FNDC3B: variants seen among roughly 807,000 people sequenced by gnomAD.
The protein encoded by FNDC3B is fibronectin type III domain-containing protein 3B.
Under a neutral mutation model 151.5 loss-of-function variants are expected in FNDC3B, and 12 were observed. The ratio of observed to expected loss-of-function variants is 0.08; its 90% CI spans 0.05 to 0.13. The LOEUF is 0.13. Ranked by LOEUF, FNDC3B falls within the 10% of genes least tolerant of loss-of-function variation. FNDC3B has a pLI of 1.00. For missense variants in FNDC3B, 1,214 were observed against 1,505.3 expected (o/e 0.81, Z 3.20); for synonymous variants, 528 against 549.0 (o/e 0.96, Z 0.54).
At chr3:172,186,430 C>T (rs977525884) in intron 3 of FNDC3B, among the ~76,000 whole-genome samples, 1 of 152,152 alleles carries the variant, frequency 6.6e-6, no homozygotes, top group Admixed American at 6.5e-5. Context: ...TGGTAGGACA[C>T]ATCCATAGGT....
At chr3:172,173,316 A>G (rs974329096) in intron 3 of FNDC3B, among the ~76,000 whole-genome samples, 1 of 152,136 alleles carries the variant, frequency 6.6e-6, no homozygotes, top group Non-Finnish European at 1.5e-5. Context: ...TGGGGGTCCT[A>G]AACTTTAACC....
chr3:172,075,875 G>T (rs1717985815), intron 1 of FNDC3B, among the ~76,000 whole-genome samples: 1 of 152,052 alleles, frequency 6.6e-6, no homozygotes, highest in Non-Finnish European at 1.5e-5. Flanking sequence ...GCCAGTCAGT[G>T]ACCCACTAAA....
intron 1 of FNDC3B, among the ~76,000 whole-genome samples, chr3:172,056,811 G>C (rs17460016): frequency 0.31 from 47,832 of 152,132 alleles, 8,875 homozygotes; most frequent in Non-Finnish European, 0.41. Flanking sequence ...GTGAATATTA[G>C]CCATCAGTTT....
chr3:172,227,054 G>A (rs937425776), intron 4 of FNDC3B, 107 bp downstream of exon 4: 13 of 747,962 alleles, frequency 1.7e-5, no homozygotes, highest in East Asian at 5.1e-5. Context: ...TTTGGGTACC[G>A]TAGTGCTAGG....
At chr3:172,200,249 A>G (rs971485560) in intron 3 of FNDC3B, among the ~76,000 whole-genome samples, 3 of 152,218 alleles carry the variant, frequency 2.0e-5, no homozygotes, top group Non-Finnish European at 2.9e-5. Flanking sequence ...ACCTAGAGAA[A>G]ACCCACACAG....
At chr3:172,301,109 G>C (rs930813892) in intron 9 of FNDC3B, among the ~76,000 whole-genome samples, 1 of 152,134 alleles carries the variant, frequency 6.6e-6, no homozygotes, top group Non-Finnish European at 1.5e-5. Context: ...CTTTGGTCTC[G>C]CTTTGTCATG....
chr3:172,229,276 G>A (rs930476756), intron 4 of FNDC3B, among the ~76,000 whole-genome samples: 2 of 152,140 alleles, frequency 1.3e-5, no homozygotes, highest in African/African-American at 4.8e-5. Context: ...AGAGTTGGTT[G>A]CCTTCGCATG....
intron 1 of FNDC3B, among the ~76,000 whole-genome samples, chr3:172,072,403 T>C (rs1717824147): frequency 6.6e-6 from 1 of 151,696 alleles, no homozygotes; most frequent in African/African-American, 2.4e-5. Flanking sequence ...CTCGTTAGGG[T>C]TGTCAGTGAA....
chr3:172,386,787 T>TGAAC (rs1480187797), intron 25 of FNDC3B, among the ~76,000 whole-genome samples: 2 of 150,468 alleles, frequency 1.3e-5, no homozygotes, highest in African/African-American at 4.9e-5. Flanking sequence ...CTCTGAAGTG[T>TGAAC]CTAGAGGTCT....
At position 172,333,131 on chromosome 3, in the gene FNDC3B, T is replaced by C. The variant is rs1428561759; in HGVS notation, c.1597T>C (p.Cys533Arg). The change falls in exon 14 of 26, where the codon TGT becomes CGT. Residue 533 changes from cysteine to arginine, a missense_variant. By Grantham distance (180) the Cys-to-Arg change is radical. Around this residue, in one of 7 missense-constraint regions of FNDC3B, gnomAD observed 111 missense variants for 96.8 expected, o/e 1.15. Coordinates refer to ENST00000415807, the MANE Select transcript of FNDC3B (RefSeq NM_022763.4). ...HPKYTGEDLT[C>R]TVKNLKRSTQ... is the part of the protein sequence containing the mutation. ...AAAATACACTGGAGAGGATTTAACCTGTACTGTGAAAAATCTCAAAAGAAG... is the reference window on the plus strand; with the variant it reads ...AAAATACACTGGAGAGGATTTAACCCGTACTGTGAAAAATCTCAAAAGAAG... The C allele has an allele frequency of 1.9e-6, 3 of 1,613,558 alleles. No homozygotes were observed. Among genetic ancestry groups the C allele is most frequent in the Non-Finnish European group, 2.5e-6 (3 of 1,179,470 alleles).
intron 3 of FNDC3B, among the ~76,000 whole-genome samples, chr3:172,223,053 G>A (rs1726368862): frequency 6.6e-6 from 1 of 152,222 alleles, no homozygotes; most frequent in Non-Finnish European, 1.5e-5. Flanking sequence ...CAAGGTTTAA[G>A]TAAATGAAAA....
intron 3 of FNDC3B, among the ~76,000 whole-genome samples, chr3:172,204,112 C>G (rs866042249): frequency 2.0e-5 from 3 of 152,202 alleles, no homozygotes; most frequent in Admixed American, 6.5e-5. Context: ...ATATTGCTGC[C>G]TCTGTGAGGC....
rs773012915 is a variant in FNDC3B at position 172,307,465 on chromosome 3, A to T, written c.1164A>T (p.Ala388=). The change falls in exon 10 of 26, where the codon GCA becomes GCT. Residue 388 remains alanine, a synonymous_variant. Coordinates refer to ENST00000415807, the MANE Select transcript of FNDC3B (RefSeq NM_022763.4). ...APECPFPPKL[A]HRSKSSLTLQ... ...AGTGTCCTTTCCCCCCTAAGCTGGC[A>T]CATAGGAGCAAAAGTTCACTAACCC... 3.1e-6 allele frequency: 5 copies of T among 1,613,956 alleles called. No individual in the cohort carries two copies. Among genetic ancestry groups the T allele is most frequent in the Non-Finnish European group, 3.4e-6 (4 of 1,179,966 alleles).
At chr3:172,244,617 C>CTTTTTTTTTTTTTTTTTTTT (rs11294678) in intron 4 of FNDC3B, among the ~76,000 whole-genome samples, 1 of 73,064 alleles carries the variant, frequency 1.4e-5, no homozygotes, top group Non-Finnish European at 2.3e-5. Flanking sequence ...AATATTTCAC[C>CTTTTTTTTTTTTTTTTTTTT]TTTTTTTTTT....
intron 1 of FNDC3B, among the ~76,000 whole-genome samples, chr3:172,072,878 C>T (rs574249704): frequency 6.6e-6 from 1 of 152,190 alleles, no homozygotes; most frequent in Non-Finnish European, 1.5e-5. Flanking sequence ...AACGGTGACA[C>T]TGATGCCTCT....
chr3:172,273,311 A>C (rs948234183), intron 6 of FNDC3B, among the ~76,000 whole-genome samples: 1 of 152,218 alleles, frequency 6.6e-6, no homozygotes, highest in African/African-American at 2.4e-5. Flanking sequence ...GCTTGATTCC[A>C]TCAGTTTCTT....
intron 7 of FNDC3B, among the ~76,000 whole-genome samples, chr3:172,286,379 A>T (rs1351331954): frequency 1.3e-5 from 2 of 152,154 alleles, no homozygotes; most frequent in African/African-American, 4.8e-5. Flanking sequence ...TCAAAAAGAT[A>T]TTTAAATATT....
chr3:172,320,631 C>T (rs943211750), intron 11 of FNDC3B, among the ~76,000 whole-genome samples: 1 of 152,284 alleles, frequency 6.6e-6, no homozygotes, highest in South Asian at 2.1e-4. Context: ...TTAGTGCCAG[C>T]GGTGTTGGAA....
intron 3 of FNDC3B, among the ~76,000 whole-genome samples, chr3:172,208,617 T>C (rs1725552561): frequency 6.6e-6 from 1 of 152,200 alleles, no homozygotes; most frequent in African/African-American, 2.4e-5. Flanking sequence ...TGTTGAGTTA[T>C]CATCACACAG....
Sources: allele counts gnomAD v4.1 joint callset (sites outside exome capture counted in the v4.1 genomes callset), GRCh38; gene constraint gnomAD v4.1.1; regional missense constraint gnomAD v4.1.1; transcripts MANE v1.5; gene names NCBI Gene and HGNC (gene_info 2026-07-23, HGNC 2026-07-21).